Variants in ABCC4 observed in about 807,000 individuals in gnomAD.
ABCC4 encodes ATP binding cassette subfamily C member 4 (PEL blood group), also known as ATP-binding cassette sub-family C member 4.
ABCC4 carries 102 observed loss-of-function variants against 168.5 expected under a neutral mutation model. The observed-to-expected ratio is 0.61, with a 90% confidence interval of 0.52 to 0.71. The LOEUF is 0.71. Ranked by LOEUF, ABCC4 falls within the 30% of genes least tolerant of loss-of-function variation. The pLI is 0.00. For missense variants in ABCC4, 1,402 were observed against 1,605.8 expected (o/e 0.87, Z 2.17); for synonymous variants, 617 against 590.7 (o/e 1.04, Z -0.65).
chr13:95,079,277 G>T (rs980292197), intron 21 of ABCC4, among the ~76,000 whole-genome samples: 1 of 152,148 alleles, frequency 6.6e-6, no homozygotes, highest in Non-Finnish European at 1.5e-5. Flanking sequence ...ACAACACAGA[G>T]AACTCTTTAG....
rs1477621882 is a variant in ABCC4, at chr13:95,075,492, C to T, written c.2746G>A (p.Ala916Thr). Residue 916 changes from alanine to threonine, a missense_variant, in exon 22 of 31, where the codon GCA becomes ACA. Coordinates refer to ENST00000645237, the MANE Select transcript of ABCC4 (RefSeq NM_005845.5). ...TGACACCTCTCTTCTGCTTTGTATG[C>T]CCGGATGGTCCAGAGCCCCTGGAGA... Reference protein sequence around the residue: ...SSLQGLWTIRAYKAEERCQEL... With the variant: ...SSLQGLWTIRTYKAEERCQEL... 3.1e-6 allele frequency: 5 copies of T among 1,614,094 alleles called. No individual in the cohort carries two copies. The highest frequency in any genetic ancestry group is 4.2e-6 in the Non-Finnish European group (5 of 1,179,978).
chr13:95,120,595 G>T (rs2035536016), intron 19 of ABCC4, among the ~76,000 whole-genome samples: 1 of 149,224 alleles, frequency 6.7e-6, no homozygotes, highest in Non-Finnish European at 1.5e-5. Flanking sequence ...AAAAGAATTG[G>T]CCTTAGATAT....
chr13:95,091,782 A>C (rs1451427940), intron 20 of ABCC4, among the ~76,000 whole-genome samples: 1 of 152,220 alleles, frequency 6.6e-6, no homozygotes, highest in Non-Finnish European at 1.5e-5. Context: ...GTACACAGAC[A>C]ACAAACAGCG....
intron 1 of ABCC4, among the ~76,000 whole-genome samples, chr13:95,264,161 A>G (rs772510293): frequency 3.3e-5 from 5 of 152,320 alleles, no homozygotes; most frequent in Non-Finnish European, 5.9e-5. Context: ...TAAATAAATG[A>G]GTGAATAAAT....
chr13:95,159,129 AT>A (rs1566475388), intron 19 of ABCC4, among the ~76,000 whole-genome samples: 10 of 129,530 alleles, frequency 7.7e-5, no homozygotes, highest in African/African-American at 3.0e-4. Flanking sequence ...ATATATATAT[AT>A]ATAACTATTG....
intron 3 of ABCC4, among the ~76,000 whole-genome samples, chr13:95,246,144 G>A (rs1440559233): frequency 6.6e-6 from 1 of 152,106 alleles, no homozygotes; most frequent in Non-Finnish European, 1.5e-5. Flanking sequence ...GGCCCTTCGG[G>A]GTAACAGAGG....
At chr13:95,263,608 A>T (rs2040591917) in intron 1 of ABCC4, among the ~76,000 whole-genome samples, 1 of 152,156 alleles carries the variant, frequency 6.6e-6, no homozygotes, top group Non-Finnish European at 1.5e-5. Flanking sequence ...GAATCACCTG[A>T]GGTCAGGAGT....
At chr13:95,300,106 C>T (rs973750785) in intron 1 of ABCC4, among the ~76,000 whole-genome samples, 1 of 152,196 alleles carries the variant, frequency 6.6e-6, no homozygotes, top group African/African-American at 2.4e-5. Flanking sequence ...TCCCAAAGTG[C>T]AGGGATACAG....
intron 21 of ABCC4, among the ~76,000 whole-genome samples, chr13:95,082,837 A>T (rs1469501634): frequency 6.6e-6 from 1 of 152,192 alleles, no homozygotes; most frequent in Non-Finnish European, 1.5e-5. Flanking sequence ...TTGTGTAAGA[A>T]AGTATGTCAT....
chr13:95,280,040 G>C (rs1039693756), intron 1 of ABCC4, among the ~76,000 whole-genome samples: 4 of 152,164 alleles, frequency 2.6e-5, no homozygotes, highest in Non-Finnish European at 5.9e-5. Context: ...CCACACAACA[G>C]CTTTGTCCCT....
intron 4 of ABCC4, among the ~76,000 whole-genome samples, chr13:95,218,534 T>C (rs1408507253): frequency 1.3e-5 from 2 of 152,170 alleles, no homozygotes; most frequent in Non-Finnish European, 1.5e-5. Context: ...ATGGCTGGAA[T>C]ACAAGCCTGA....
intron 8 of ABCC4, among the ~76,000 whole-genome samples, chr13:95,197,846 A>G (rs2038504018): frequency 6.6e-6 from 1 of 152,244 alleles, no homozygotes; most frequent in Non-Finnish European, 1.5e-5. Flanking sequence ...AAGACCATCA[A>G]TCCTTTCCTT....
At chr13:95,126,715 T>G (rs112076091) in intron 19 of ABCC4, among the ~76,000 whole-genome samples, 49,625 of 93,182 alleles carry the variant, frequency 0.53, 11,862 homozygotes, top group South Asian at 0.72. Context: ...ATGAACTTTT[T>G]TTGGAATATA....
At chr13:95,059,019 G>A (rs939047828) in intron 26 of ABCC4, among the ~76,000 whole-genome samples, 23 of 152,232 alleles carry the variant, frequency 1.5e-4, no homozygotes, top group African/African-American at 5.1e-4. Flanking sequence ...ATATCAGGGC[G>A]CAGAAGCATG....
intron 1 of ABCC4, among the ~76,000 whole-genome samples, chr13:95,272,050 T>G (rs889588469): frequency 1.3e-5 from 2 of 149,464 alleles, no homozygotes; most frequent in Non-Finnish European, 3.0e-5. Flanking sequence ...AAGCACATAT[T>G]TTTTTTTTTT....
rs778835635 is a variant in ABCC4 at position 95,234,825 on chromosome 13, T to C, written c.316A>G (p.Lys106Glu). The C allele has an allele frequency of 6.4e-7, 1 of 1,550,522 alleles. No individual in the cohort carries two copies. Among genetic ancestry groups the C allele is most frequent in the Non-Finnish European group, 8.7e-7 (1 of 1,146,276 alleles). Reference protein sequence around the residue: ...GIFTLIEESAKVIQPIFLGKI... With the variant: ...GIFTLIEESAEVIQPIFLGKI... ...CCCAAAAATATGGGCTGGATTACTT[T>C]GGCACTTTCCTAAAAGAAGAAAAAG... is the stretch of plus-strand genomic sequence containing the variant. The change falls in exon 4 of 31, where the codon AAA (lysine) becomes GAA (glutamate). Residue 106 changes from lysine to glutamate, a missense_variant. By Grantham distance (56) the Lys-to-Glu change is moderately conservative. Around this residue, in one of 3 missense-constraint regions of ABCC4, gnomAD observed 317 missense variants for 345.5 expected, o/e 0.92. Transcript: ENST00000645237.
intron 12 of ABCC4, 33 bp downstream of exon 12, chr13:95,177,964 C>T: frequency 6.2e-7 from 1 of 1,606,200 alleles, no homozygotes; most frequent in African/African-American, 1.3e-5. Context: ...TATCAAAAGA[C>T]ACCGGCATAG....
At chr13:95,152,370 C>T (rs887881445) in intron 19 of ABCC4, among the ~76,000 whole-genome samples, 1 of 152,190 alleles carries the variant, frequency 6.6e-6, no homozygotes, top group Non-Finnish European at 1.5e-5. Flanking sequence ...GATGCAAATG[C>T]ACTCTTGGAA....
intron 1 of ABCC4, among the ~76,000 whole-genome samples, chr13:95,251,386 T>C (rs1037414187): frequency 6.6e-6 from 1 of 152,216 alleles, no homozygotes; most frequent in Non-Finnish European, 1.5e-5. Context: ...GGAACTAAAA[T>C]AATTATTTCA....
Sources: allele counts gnomAD v4.1 joint callset (sites outside exome capture counted in the v4.1 genomes callset), GRCh38; gene constraint gnomAD v4.1.1; regional missense constraint gnomAD v4.1.1; transcripts MANE v1.5; gene names NCBI Gene and HGNC (gene_info 2026-07-23, HGNC 2026-07-21).